RBFOX1: variants seen among roughly 807,000 people sequenced by gnomAD.
The protein encoded by RBFOX1 is RNA binding protein fox-1 homolog 1.
RBFOX1 carries 8 observed loss-of-function variants against 57.7 expected under a neutral mutation model. That is an observed-to-expected ratio of 0.14 (90% confidence interval 0.08 to 0.25). The LOEUF (loss-of-function observed/expected upper bound fraction) is 0.25, where lower values mean the gene tolerates loss of function less well. Among genes scored for constraint, RBFOX1 ranks in the 10% least tolerant of loss-of-function variants. The pLI is 1.00. For missense variants in RBFOX1, 611 were observed against 548.5 expected (o/e 1.11, Z -1.14); for synonymous variants, 326 against 222.4 (o/e 1.47, Z -4.15).
chr16:7,566,770 GA>G (rs1343323970), intron 5 of RBFOX1, among the ~76,000 whole-genome samples: 2 of 152,066 alleles, frequency 1.3e-5, no homozygotes, highest in African/African-American at 4.8e-5. Flanking sequence ...CAGGATAGGG[GA>G]GAAGCAAAAG....
intron 4 of RBFOX1, among the ~76,000 whole-genome samples, chr16:5,955,117 C>G (rs1275150798): frequency 2.2e-4 from 1 of 4,610 alleles, no homozygotes; most frequent in Non-Finnish European, 3.6e-4. Context: ...TCCATCTCTA[C>G]TAAAAAAAAA....
intron 1 of RBFOX1, among the ~76,000 whole-genome samples, chr16:5,440,755 A>G (rs1263752377): frequency 3.9e-5 from 6 of 152,194 alleles, no homozygotes. Flanking sequence ...GGTGATAGGG[A>G]TAAATTCAAG....
chr16:5,398,806 T>G (rs1048685745), intron 1 of RBFOX1, among the ~76,000 whole-genome samples: 1 of 152,178 alleles, frequency 6.6e-6, no homozygotes, highest in African/African-American at 2.4e-5. Flanking sequence ...TTGGAAACCC[T>G]GCGCTCATTT....
At chr16:6,390,147 C>G (rs565234910) in intron 2 of RBFOX1, among the ~76,000 whole-genome samples, 137 of 152,304 alleles carry the variant, frequency 9.0e-4, no homozygotes, top group Non-Finnish European at 1.4e-3. Flanking sequence ...AGAAGGTTTG[C>G]AGTTATCCTT....
intron 2 of RBFOX1, among the ~76,000 whole-genome samples, chr16:6,599,690 G>A (rs1352152829): frequency 6.6e-6 from 1 of 152,132 alleles, no homozygotes; most frequent in Non-Finnish European, 1.5e-5. Flanking sequence ...AACTGCTGCT[G>A]TGGAGCCGAA....
chr16:5,367,448 C>G (rs1239699845), intron 1 of RBFOX1, among the ~76,000 whole-genome samples: 1 of 152,148 alleles, frequency 6.6e-6, no homozygotes, highest in African/African-American at 2.4e-5. Flanking sequence ...CAGGTGACAG[C>G]CGAGTTGGCT....
intron 3 of RBFOX1, among the ~76,000 whole-genome samples, chr16:7,041,306 A>G (rs564659817): frequency 1.2e-4 from 19 of 152,210 alleles, no homozygotes; most frequent in African/African-American, 1.9e-4. Flanking sequence ...CTTTTCCACC[A>G]TAATGGGAGA....
chr16:6,268,076 C>T (rs1250625013), intron 1 of RBFOX1, among the ~76,000 whole-genome samples: 1 of 152,120 alleles, frequency 6.6e-6, no homozygotes, highest in African/African-American at 2.4e-5. Context: ...GTATTAATGG[C>T]CTTGCACTGG....
chr16:5,734,217 G>C (rs567105991), intron 3 of RBFOX1, among the ~76,000 whole-genome samples: 2 of 152,066 alleles, frequency 1.3e-5, no homozygotes, highest in African/African-American at 4.8e-5. Flanking sequence ...CAATCTTAGC[G>C]CTTTGAGAGG....
intron 3 of RBFOX1, among the ~76,000 whole-genome samples, chr16:6,775,448 T>C (rs952400274): frequency 2.0e-5 from 3 of 148,036 alleles, no homozygotes; most frequent in African/African-American, 7.6e-5. Context: ...CATCTTGTCT[T>C]GCCTAATCCC....
chr16:6,025,870 C>G (rs1816844600), intron 1 of RBFOX1, among the ~76,000 whole-genome samples: 1 of 152,170 alleles, frequency 6.6e-6, no homozygotes, highest in Admixed American at 6.5e-5. Context: ...ATCCACAATA[C>G]TGGAACTGCA....
intron 4 of RBFOX1, among the ~76,000 whole-genome samples, chr16:7,302,217 G>T (rs1228866919): frequency 1.3e-5 from 2 of 152,214 alleles, no homozygotes; most frequent in Non-Finnish European, 2.9e-5. Flanking sequence ...AAGATGAAAA[G>T]TGGAAAGAAA....
intron 3 of RBFOX1, among the ~76,000 whole-genome samples, chr16:6,898,156 A>G (rs184152785): frequency 4.9e-4 from 74 of 152,282 alleles, no homozygotes; most frequent in African/African-American, 1.6e-3. Flanking sequence ...CATGCATCAT[A>G]ATTGAGGTCG....
chr16:6,952,378 G>T (rs2080944984), intron 3 of RBFOX1, among the ~76,000 whole-genome samples: 1 of 152,190 alleles, frequency 6.6e-6, no homozygotes, highest in Non-Finnish European at 1.5e-5. Context: ...TGGGCATGGT[G>T]GTTCACACCT....
intron 3 of RBFOX1, among the ~76,000 whole-genome samples, chr16:6,680,371 TCCTGCC>T (rs2058466002): frequency 6.8e-6 from 1 of 146,452 alleles, no homozygotes; most frequent in South Asian, 2.3e-4. Context: ...CACGCCATTC[TCCTGCC>T]TCAGCCTCCC....
intron 4 of RBFOX1, among the ~76,000 whole-genome samples, chr16:7,484,818 C>T (rs760874572): frequency 5.3e-5 from 8 of 152,302 alleles, no homozygotes; most frequent in South Asian, 2.1e-4. Context: ...ATGTATCTAA[C>T]TAGCATGGAT....
intron 3 of RBFOX1, among the ~76,000 whole-genome samples, chr16:6,767,545 C>G (rs1392327148): frequency 1.3e-5 from 2 of 152,126 alleles, no homozygotes; most frequent in Non-Finnish European, 2.9e-5. Context: ...CAAAAAAATT[C>G]TGATGAATAC....
chr16:5,649,071 A>AT (rs915497263), intron 3 of RBFOX1, among the ~76,000 whole-genome samples: 4 of 152,154 alleles, frequency 2.6e-5, no homozygotes, highest in Admixed American at 1.3e-4. Context: ...ATCAAAAAAA[A>AT]ATATATATCA....
intron 4 of RBFOX1, among the ~76,000 whole-genome samples, chr16:7,305,584 A>AT (rs1168707181): frequency 6.6e-6 from 1 of 152,222 alleles, no homozygotes; most frequent in Non-Finnish European, 1.5e-5. Flanking sequence ...AGAACTTCCT[A>AT]TGCAAGAGTT....
Sources: gnomAD v4.1 joint callset for allele counts (sites outside exome capture counted in the v4.1 genomes callset) on GRCh38, gnomAD v4.1.1 for gene constraint, MANE v1.5 for transcripts, NCBI Gene and HGNC (gene_info 2026-07-23, HGNC 2026-07-21) for gene names.